The following GMEB1 variants were observed in gnomAD, a reference collection of about 807,000 sequenced individuals.
The protein encoded by GMEB1 is glucocorticoid modulatory element binding protein 1.
GMEB1 carries 6 observed loss-of-function variants against 52.4 expected under a neutral mutation model. That is an observed-to-expected ratio of 0.11 (90% CI 0.06 to 0.23). The LOEUF (loss-of-function observed/expected upper bound fraction) is 0.23, where lower values mean the gene tolerates loss of function less well. Ranked by LOEUF, GMEB1 falls within the 10% of genes least tolerant of loss-of-function variation. The pLI is 1.00. For missense variants in GMEB1, 486 were observed against 685.6 expected, an observed-to-expected ratio of 0.71 and a Z score of 3.25; for synonymous variants, 255 against 244.9, an observed-to-expected ratio of 1.04 and a Z score of -0.38.
chr1:28,714,395 T>C lies in GMEB1; in HGVS notation c.1314T>C (p.Tyr438=). 6.2e-7 allele frequency: 1 copy of C among 1,614,226 alleles called. No individual in the cohort carries two copies. The highest frequency in any genetic ancestry group is 8.5e-7 in the Non-Finnish European group (1 of 1,180,034). ...CTTCTGGCCCTCAGCTCTTCCGCTA[T>C]GCCACAGTGGTCTCCTCTGCCAAGA... ...TLPSGPQLFR[Y]ATVVSSAKSS... Residue 438 remains tyrosine, a synonymous_variant, in exon 10 of 10, where the codon TAT becomes TAC. Coordinates refer to ENST00000373816, the MANE Select transcript of GMEB1 (RefSeq NM_001319674.2).
intron 8 of GMEB1, among the ~76,000 whole-genome samples, chr1:28,705,697 C>T (rs779957757): frequency 2.7e-5 from 4 of 150,694 alleles, no homozygotes; most frequent in African/African-American, 4.8e-5. Flanking sequence ...GTGATCCGCC[C>T]GCCTCGGCCT....
chr1:28,672,746 T>TG (rs1189942553), intron 1 of GMEB1, among the ~76,000 whole-genome samples: 8 of 149,348 alleles, frequency 5.4e-5, no homozygotes, highest in Admixed American at 2.7e-4. Flanking sequence ...CTTTTTTTTT[T>TG]TTTTTTTTTG....
chr1:28,706,451 A>G (rs958678834), intron 8 of GMEB1, among the ~76,000 whole-genome samples: 3 of 151,756 alleles, frequency 2.0e-5, no homozygotes, highest in African/African-American at 4.8e-5. Flanking sequence ...CAAAAATACA[A>G]AAATCCGCGA....
chr1:28,704,171 GTCTTATCC>G lies in GMEB1; in HGVS notation c.731-19_731-12del, dbSNP rs752796437. ...AGGTAGTGTCTCTTTTTTACCCTCT[GTCTTATCC>G]TTCTTGTGCCAGAGGACACTTTGAT... On this transcript the variant is annotated splice_polypyrimidine_tract_variant and intron_variant, in intron 7 of 9. Transcript: ENST00000373816. The G allele has an allele frequency of 2.4e-5, 39 of 1,604,210 alleles. No individual in the cohort carries two copies. Among genetic ancestry groups the G allele is most frequent in the Non-Finnish European group, 3.2e-5 (38 of 1,175,176 alleles).
intron 2 of GMEB1, among the ~76,000 whole-genome samples, chr1:28,688,444 T>TA (rs1303950871): frequency 2.0e-5 from 3 of 152,176 alleles, no homozygotes; most frequent in Non-Finnish European, 4.4e-5. Flanking sequence ...CAAGATGCAA[T>TA]AATTAGCACA....
At chr1:28,681,502 G>A (rs557624143) in intron 1 of GMEB1, among the ~76,000 whole-genome samples, 1 of 152,126 alleles carries the variant, frequency 6.6e-6, no homozygotes, top group Admixed American at 6.6e-5. Flanking sequence ...AAATATAAAG[G>A]TACATTATGC....
intron 6 of GMEB1, among the ~76,000 whole-genome samples, chr1:28,700,699 A>AG (rs1670463202): frequency 6.6e-6 from 1 of 151,750 alleles, no homozygotes; most frequent in African/African-American, 2.4e-5. Context: ...AAAAAAAAAA[A>AG]AGATCTTTTG....
At position 28,702,628 on chromosome 1, in the gene GMEB1, C is replaced by A. The variant is rs1670570844; in HGVS notation, c.730+59C>A. ...GTCTTGTGAGCCTTATCACCATTATCATTATGGACACGGAAGACCTCTTAA... is the reference window on the plus strand; with the variant it reads ...GTCTTGTGAGCCTTATCACCATTATAATTATGGACACGGAAGACCTCTTAA... On this transcript the variant is annotated intron_variant, in intron 7 of 9. Transcript: ENST00000373816. 2.7e-6 allele frequency: 4 copies of A among 1,485,320 alleles called. No individual in the cohort carries two copies. In the East Asian group the frequency reaches 9.1e-5, roughly 34 times the overall value. 92.0% of individuals were successfully genotyped at this position (1,485,320 alleles called of 1,614,324 possible).
At chr1:28,688,834 A>G (rs1669814334) in intron 2 of GMEB1, among the ~76,000 whole-genome samples, 1 of 151,664 alleles carries the variant, frequency 6.6e-6, no homozygotes, top group African/African-American at 2.4e-5. Flanking sequence ...TTTCAGGGTA[A>G]TTCCATAATA....
At position 28,688,454 on chromosome 1, in the gene GMEB1, A is replaced by G. The variant is rs973027727; in HGVS notation, c.129-1650A>G. ...AGTAACAAGATGCAATAATTAGCAC[A>G]TCAGCTTTATTACAGAAATTAAATA... is the stretch of plus-strand genomic sequence containing the variant. On this transcript the variant is annotated intron_variant, in intron 2 of 9. Coordinates refer to ENST00000373816, the MANE Select transcript of GMEB1 (RefSeq NM_001319674.2). Among the ~76,000 whole-genome samples, 3 of 152,200 alleles carry G rather than the reference A, an allele frequency of 2.0e-5. No homozygotes were observed. In the East Asian group the frequency reaches 5.8e-4, roughly 29 times the overall value.
intron 5 of GMEB1, among the ~76,000 whole-genome samples, chr1:28,694,338 G>C (rs778470117): frequency 1.5e-4 from 22 of 149,462 alleles, no homozygotes; most frequent in Non-Finnish European, 2.1e-4. Context: ...CTACAGGCGC[G>C]TGCCACCATA....
intron 2 of GMEB1, among the ~76,000 whole-genome samples, chr1:28,688,671 C>T (rs746199847): frequency 6.6e-6 from 1 of 151,892 alleles, no homozygotes; most frequent in Non-Finnish European, 1.5e-5. Context: ...GTTATGGTAC[C>T]TTAAAAGATG....
At chr1:28,696,255 T>C (rs560035252) in intron 5 of GMEB1, among the ~76,000 whole-genome samples, 1 of 151,854 alleles carries the variant, frequency 6.6e-6, no homozygotes, top group Non-Finnish European at 1.5e-5. Flanking sequence ...TTTATAGAAA[T>C]GTGGTTTCAC....
intron 7 of GMEB1, among the ~76,000 whole-genome samples, chr1:28,703,626 C>T (rs1670614696): frequency 1.3e-5 from 2 of 151,926 alleles, no homozygotes; most frequent in Non-Finnish European, 2.9e-5. Context: ...CGCCATTGCA[C>T]TCCAGCCTGG....
At chr1:28,669,116 C>T (rs1486301793) in intron 1 of GMEB1, among the ~76,000 whole-genome samples, 1 of 149,466 alleles carries the variant, frequency 6.7e-6, no homozygotes, top group African/African-American at 2.4e-5. Flanking sequence ...CGCCGGGGCT[C>T]GGGCCCCAGA....
rs71027293 is a variant in GMEB1 at position 28,717,185 on chromosome 1, G to GTTTTTTTTTTTTTT, written c.*2415_*2428dup. 2 of 139,210 alleles carry GTTTTTTTTTTTTTT rather than the reference G, an allele frequency of 1.4e-5. No homozygotes were observed. Among genetic ancestry groups the GTTTTTTTTTTTTTT allele is most frequent in the Non-Finnish European group, 1.5e-5 (1 of 64,660 alleles). The allele number at this position is 139,210 out of a possible 1,614,324, so 8.6% of individuals were successfully genotyped here. A position where few individuals can be genotyped will look rare whatever the true frequency, so the allele number is the denominator to read the frequency against. ...AACCCTGTAACATGGTAAGGTTGCT[G>GTTTTTTTTTTTTTT]TTTTTTTTTTTTTTTTCTTTTTGAG... On this transcript the variant is annotated 3_prime_UTR_variant, in exon 10 of 10. Coordinates refer to ENST00000373816, the MANE Select transcript of GMEB1 (RefSeq NM_001319674.2).
chr1:28,695,925 C>T (rs1317541013), intron 5 of GMEB1, among the ~76,000 whole-genome samples: 1 of 83,742 alleles, frequency 1.2e-5, no homozygotes, highest in Non-Finnish European at 2.0e-5. Flanking sequence ...GGCGACAGAG[C>T]GAGACTCCGT....
At chr1:28,688,886 T>C (rs2124502816) in intron 2 of GMEB1, among the ~76,000 whole-genome samples, 1 of 137,326 alleles carries the variant, frequency 7.3e-6, no homozygotes. Flanking sequence ...GCCATGGGCA[T>C]TTAAAGTTTT....
At position 28,714,417 on chromosome 1, in the gene GMEB1, A is replaced by G. The variant is rs201145118; in HGVS notation, c.1336A>G (p.Lys446Glu). 2 of 1,614,190 alleles carry G rather than the reference A, an allele frequency of 1.2e-6. No homozygotes were observed. The highest frequency in any genetic ancestry group is 2.2e-5 in the South Asian group (2 of 91,082). Residue 446 changes from lysine (K) to glutamate (E), a missense_variant, in exon 10 of 10, where the codon AAG becomes GAG. This residue lies in a region of GMEB1 where 153 missense variants were observed against 200.8 expected (regional missense o/e 0.76). Transcript: ENST00000373816. ...CTATGCCACAGTGGTCTCCTCTGCC[A>G]AGAGCAGCTCACCAGACACAGTGAC... ...FRYATVVSSA[K>E]SSSPDTVTIH...
Sources: gnomAD v4.1 joint callset for allele counts (sites outside exome capture counted in the v4.1 genomes callset) on GRCh38, gnomAD v4.1.1 for gene constraint, gnomAD v4.1.1 regional missense constraint, MANE v1.5 for transcripts, NCBI Gene and HGNC (gene_info 2026-07-23, HGNC 2026-07-21) for gene names.